COL19A1: variants seen among roughly 807,000 people sequenced by gnomAD.
COL19A1 encodes the protein collagen alpha-1(XIX) chain.
A neutral mutation model predicts 190.2 loss-of-function variants in COL19A1; 159 were observed. The observed-to-expected ratio is 0.84, with a 90% confidence interval of 0.73 to 0.95. The LOEUF (loss-of-function observed/expected upper bound fraction) is 0.95. COL19A1 is among the 40% of genes least tolerant of loss of function. The pLI is 0.00. For synonymous variants in COL19A1, 509 were observed against 458.9 expected, an observed-to-expected ratio of 1.11 and a Z score of -1.39; for missense variants, 1,418 against 1,431.9, an observed-to-expected ratio of 0.99 and a Z score of 0.16.
intron 14 of COL19A1, among the ~76,000 whole-genome samples, chr6:70,063,345 C>T (rs961388309): frequency 6.6e-6 from 1 of 152,162 alleles, no homozygotes; most frequent in Non-Finnish European, 1.5e-5. Context: ...AACCGCTCAA[C>T]TACATGGAAA....
intron 7 of COL19A1, among the ~76,000 whole-genome samples, chr6:69,935,903 C>T (rs1773071272): frequency 6.6e-6 from 1 of 151,990 alleles, no homozygotes; most frequent in African/African-American, 2.4e-5. Flanking sequence ...AAATATCAAT[C>T]ATGATTTCAA....
At chr6:70,098,224 A>G (rs141286136) in intron 15 of COL19A1, among the ~76,000 whole-genome samples, 83 of 152,306 alleles carry the variant, frequency 5.4e-4, no homozygotes, top group Non-Finnish European at 9.4e-4. Context: ...TTTTAGTCCT[A>G]GGAAGGGAGT....
At chr6:70,032,725 G>A (rs186575007) in intron 12 of COL19A1, among the ~76,000 whole-genome samples, 185 of 152,076 alleles carry the variant, frequency 1.2e-3, no homozygotes, top group Middle Eastern at 3.4e-3. Context: ...TCAAGAGTTC[G>A]AAAGCTACAT....
chr6:69,917,166 T>C (rs1771360760), intron 4 of COL19A1, among the ~76,000 whole-genome samples: 1 of 152,236 alleles, frequency 6.6e-6, no homozygotes, highest in Non-Finnish European at 1.5e-5. Context: ...CTTCAGCCTG[T>C]AGAGATTTTA....
chr6:70,204,242 C>T (rs770841013), intron 49 of COL19A1, among the ~76,000 whole-genome samples: 10 of 152,112 alleles, frequency 6.6e-5, no homozygotes, highest in African/African-American at 9.7e-5. Flanking sequence ...GACAGGTCCA[C>T]GCTGAAGAGG....
intron 18 of COL19A1, among the ~76,000 whole-genome samples, chr6:70,131,611 C>T (rs1176858177): frequency 6.6e-6 from 1 of 152,092 alleles, no homozygotes; most frequent in Non-Finnish European, 1.5e-5. Context: ...AAACCATACG[C>T]CACCATAACC....
At chr6:70,188,036 A>G in intron 46 of COL19A1, 39 bp from the exon 47 acceptor site, 1 of 1,610,268 alleles carries the variant, frequency 6.2e-7, no homozygotes, top group Non-Finnish European at 8.5e-7. Flanking sequence ...AGCTGATGCT[A>G]GAAGAGATTA....
intron 24 of COL19A1, 146 bp downstream of exon 24, chr6:70,144,409 A>T: frequency 1.5e-6 from 1 of 651,954 alleles, no homozygotes; most frequent in South Asian, 2.1e-5. Context: ...CACCCCCTAG[A>T]GTTGTGCATT....
At chr6:70,091,028 A>G (rs1782896861) in intron 15 of COL19A1, among the ~76,000 whole-genome samples, 1 of 152,106 alleles carries the variant, frequency 6.6e-6, no homozygotes. Context: ...TGATTTTTCT[A>G]TCTAAAACAG....
intron 15 of COL19A1, among the ~76,000 whole-genome samples, chr6:70,096,912 C>A (rs1467442337): frequency 6.6e-6 from 1 of 152,136 alleles, no homozygotes; most frequent in Non-Finnish European, 1.5e-5. Context: ...GTAATCCCAG[C>A]TACTCAGAAG....
Position 69,925,792 on chromosome 6 carries a change from G to A in COL19A1, c.267-2117G>A, listed in dbSNP as rs1424863811. Among the ~76,000 whole-genome samples the A allele has an allele frequency of 2.0e-5, 3 of 152,042 alleles. No individual in the cohort carries two copies. The East Asian group carries it at 5.8e-4, about 29-fold the overall frequency. The stretch of plus-strand genomic sequence containing the variant: ...AGTGGTTTGTAGTTCTCCTTGAAGA[G>A]GTCCTTCACATCCCTTGTAAGTTGG... On this transcript the variant is annotated intron_variant, in intron 4 of 50. Coordinates refer to ENST00000620364, the MANE Select transcript of COL19A1 (RefSeq NM_001858.6).
intron 15 of COL19A1, among the ~76,000 whole-genome samples, chr6:70,099,542 C>CAAA (rs1407062386): frequency 7.3e-6 from 1 of 137,476 alleles, no homozygotes; most frequent in East Asian, 2.2e-4. Context: ...GCAAATATTC[C>CAAA]AAAACAAAAA....
At chr6:70,150,188 A>C (rs982371560) in intron 30 of COL19A1, 143 bp downstream of exon 30, 15 of 834,404 alleles carry the variant, frequency 1.8e-5, no homozygotes, top group Non-Finnish European at 2.9e-5. Context: ...TATTTTGTCG[A>C]GTGAAAAAAA....
chr6:69,952,289 C>T (rs1173047976), intron 9 of COL19A1, among the ~76,000 whole-genome samples: 1 of 151,776 alleles, frequency 6.6e-6, no homozygotes, highest in Non-Finnish European at 1.5e-5. Flanking sequence ...TTCAAACATT[C>T]CGCGCTTGAC....
At chr6:69,896,614 A>G (rs1299429701) in intron 2 of COL19A1, among the ~76,000 whole-genome samples, 1 of 150,726 alleles carries the variant, frequency 6.6e-6, no homozygotes, top group Admixed American at 6.6e-5. Context: ...TTCCACTCCT[A>G]CAAGCAATGT....
chr6:70,103,321 T>C (rs188349127), intron 16 of COL19A1, among the ~76,000 whole-genome samples: 20 of 152,192 alleles, frequency 1.3e-4, no homozygotes, highest in Admixed American at 3.3e-4. Flanking sequence ...TTTGAACCTA[T>C]ATTTTTGAAG....
intron 10 of COL19A1, among the ~76,000 whole-genome samples, 196 bp from the exon 11 acceptor site, chr6:69,962,630 C>T (rs1230778489): frequency 6.6e-6 from 1 of 152,070 alleles, no homozygotes; most frequent in Non-Finnish European, 1.5e-5. Flanking sequence ...GTAACTTATA[C>T]CCTAGAAAAT....
chr6:70,002,475 C>T (rs1325853415), intron 11 of COL19A1, among the ~76,000 whole-genome samples: 1 of 151,120 alleles, frequency 6.6e-6, no homozygotes, highest in Non-Finnish European at 1.5e-5. Context: ...GCTGTGAATC[C>T]GTCTGGTCCT....
intron 34 of COL19A1, among the ~76,000 whole-genome samples, chr6:70,158,907 T>C (rs991311540): frequency 6.6e-6 from 1 of 152,134 alleles, no homozygotes; most frequent in Non-Finnish European, 1.5e-5. Context: ...TTAATGATCA[T>C]CTTGTCTTCT....
Sources: gnomAD v4.1 joint callset for allele counts (sites outside exome capture counted in the v4.1 genomes callset) on GRCh38, gnomAD v4.1.1 for gene constraint, MANE v1.5 for transcripts, NCBI Gene and HGNC (gene_info 2026-07-23, HGNC 2026-07-21) for gene names.